The following ARHGAP28 variants were observed in gnomAD, a reference collection of about 807,000 sequenced individuals.
ARHGAP28 encodes the protein rho GTPase-activating protein 28.
ARHGAP28 carries 56 observed loss-of-function variants against 90.7 expected under a neutral mutation model. That is an observed-to-expected ratio of 0.62 (90% CI 0.50 to 0.77). The LOEUF (loss-of-function observed/expected upper bound fraction) is 0.77, where lower values mean the gene tolerates loss of function less well. Among genes scored for constraint, ARHGAP28 ranks in the 30% least tolerant of loss-of-function variants. The pLI is 0.00. For synonymous variants in ARHGAP28, 308 were observed against 323.3 expected, an observed-to-expected ratio of 0.95 and a Z score of 0.51; for missense variants, 869 against 900.9, an observed-to-expected ratio of 0.96 and a Z score of 0.45.
At chr18:6,741,136 A>G (rs2055973816) in intron 1 of ARHGAP28, among the ~76,000 whole-genome samples, 1 of 152,118 alleles carries the variant, frequency 6.6e-6, no homozygotes, top group Non-Finnish European at 1.5e-5. Flanking sequence ...TTGAAAACAT[A>G]TTTGCTGTGA....
chr18:6,832,298 A>C (rs535282703), intron 2 of ARHGAP28, among the ~76,000 whole-genome samples: 1 of 151,558 alleles, frequency 6.6e-6, no homozygotes, highest in African/African-American at 2.4e-5. Flanking sequence ...CAGTTTTGAA[A>C]TTTAGACTTA....
chr18:6,765,348 T>C (rs1465995178), intron 1 of ARHGAP28, among the ~76,000 whole-genome samples: 1 of 152,188 alleles, frequency 6.6e-6, no homozygotes, highest in East Asian at 1.9e-4. Flanking sequence ...TTTCTTCTTC[T>C]GTCAGTTCTA....
rs114233528 is a variant in ARHGAP28 at position 6,783,628 on chromosome 18, T to G, written c.123-41134T>G. On this transcript the variant is annotated intron_variant, in intron 1 of 17. Transcript: ENST00000383472. ...GGTATTTACTTTTAACCACAGGACA[T>G]AACACATTGCTGAATTAATCAGAAG... is the stretch of plus-strand genomic sequence containing the variant. Among the ~76,000 whole-genome samples, 787 of 152,242 alleles carry G rather than the reference T, an allele frequency of 5.2e-3. 5 individuals are homozygous for G. The highest frequency in any genetic ancestry group is 0.015 in the African/African-American group (628 of 41,530).
intron 16 of ARHGAP28, among the ~76,000 whole-genome samples, chr18:6,902,235 G>A (rs2143822518): frequency 6.6e-6 from 1 of 152,204 alleles, no homozygotes; most frequent in African/African-American, 2.4e-5. Context: ...TCTGAATAAA[G>A]TATGGACTTT....
intron 4 of ARHGAP28, among the ~76,000 whole-genome samples, chr18:6,857,476 C>T (rs1356251530): frequency 2.0e-5 from 3 of 152,164 alleles, no homozygotes; most frequent in African/African-American, 7.2e-5. Context: ...ATCTGTGATG[C>T]GCACAGTGAA....
chr18:6,737,135 T>A (rs1312315118), intron 1 of ARHGAP28, among the ~76,000 whole-genome samples: 1 of 152,214 alleles, frequency 6.6e-6, no homozygotes, highest in Non-Finnish European at 1.5e-5. Context: ...GTAAATGGAA[T>A]GTTTTTCAGA....
chr18:6,838,565 A>G (rs1384688630), intron 3 of ARHGAP28, among the ~76,000 whole-genome samples: 2 of 152,216 alleles, frequency 1.3e-5, no homozygotes, highest in East Asian at 1.9e-4. Flanking sequence ...TCTGTCCAGT[A>G]TGGTAGCTCC....
chr18:6,798,810 A>G (rs2143609986), intron 1 of ARHGAP28, among the ~76,000 whole-genome samples: 1 of 152,326 alleles, frequency 6.6e-6, no homozygotes, highest in Middle Eastern at 3.4e-3. Flanking sequence ...AACCATTCGT[A>G]CCACCAAAGT....
chr18:6,887,407 A>C (rs1197983996), intron 12 of ARHGAP28, among the ~76,000 whole-genome samples, 168 bp downstream of exon 12: 1 of 150,610 alleles, frequency 6.6e-6, no homozygotes, highest in Non-Finnish European at 1.5e-5. Context: ...GAAGACAAGA[A>C]AGAGTGGAGA....
intron 1 of ARHGAP28, chr18:6,791,537 A>T (rs923973357): frequency 6.6e-6 from 1 of 152,226 alleles, no homozygotes; most frequent in African/African-American, 2.4e-5. Flanking sequence ...GACATGACTA[A>T]AACTGACTGA....
In ARHGAP28 at chr18:6,783,449, G is replaced by A. The variant is rs572037863; in HGVS notation, c.123-41313G>A. ...CCCAAGTAGCTGGGATTACAGGCAT[G>A]TGCCACCAGGCCTGGCTAATTTTGT... On this transcript the variant is annotated intron_variant, in intron 1 of 17. Coordinates refer to ENST00000383472, the MANE Select transcript of ARHGAP28 (RefSeq NM_001366230.1). 1.5e-3 allele frequency among the ~76,000 whole-genome samples: 220 copies of A among 144,134 alleles called. 1 individual carries two copies. Among genetic ancestry groups the A allele is most frequent in the Middle Eastern group, 6.9e-3 (2 of 290 alleles). 94.6% of individuals were successfully genotyped at this position (144,134 alleles called of 152,430 possible).
intron 1 of ARHGAP28, among the ~76,000 whole-genome samples, chr18:6,774,985 A>G (rs1278340814): frequency 6.6e-6 from 1 of 152,154 alleles, no homozygotes; most frequent in African/African-American, 2.4e-5. Flanking sequence ...CTCAAAGCCA[A>G]GGACCTAATT....
At chr18:6,898,498 G>A (rs2057320288) in intron 16 of ARHGAP28, 2 of 1,614,060 alleles carry the variant, frequency 1.2e-6, no homozygotes, top group Admixed American at 1.7e-5. Flanking sequence ...AAAAAAGAAA[G>A]AGAAGAGTCG....
chr18:6,733,660 G>A (rs1448520102), intron 1 of ARHGAP28, among the ~76,000 whole-genome samples: 1 of 152,058 alleles, frequency 6.6e-6, no homozygotes. Context: ...TTGTTTCTTT[G>A]GAGCTAAAAG....
intron 12 of ARHGAP28, among the ~76,000 whole-genome samples, chr18:6,889,140 A>G (rs2057244882): frequency 6.6e-6 from 1 of 152,176 alleles, no homozygotes; most frequent in Non-Finnish European, 1.5e-5. Context: ...CATTGCAAAT[A>G]CTGTACAGTG....
intron 1 of ARHGAP28, among the ~76,000 whole-genome samples, chr18:6,757,050 A>T (rs2056116614): frequency 6.6e-6 from 1 of 152,180 alleles, no homozygotes; most frequent in Non-Finnish European, 1.5e-5. Flanking sequence ...TGCATCCTTC[A>T]ATCCTATCAA....
intron 1 of ARHGAP28, among the ~76,000 whole-genome samples, chr18:6,769,619 T>C (rs960729240): frequency 1.3e-5 from 2 of 152,214 alleles, no homozygotes; most frequent in African/African-American, 4.8e-5. Flanking sequence ...TTAAGAAATT[T>C]GCTCAAGATC....
intron 1 of ARHGAP28, among the ~76,000 whole-genome samples, chr18:6,818,076 T>A (rs78939120): frequency 0.13 from 19,256 of 152,238 alleles, 1,363 homozygotes; most frequent in Non-Finnish European, 0.15. Context: ...GTTGACTATG[T>A]GCCAGGCATT....
rs916037836 is a variant in ARHGAP28 at position 6,857,365 on chromosome 18, T to G, written c.637-2443T>G. ...TAACAGACTCCTGTATAAATATTTT[T>G]TTCAGTATCAACATAGATATAAACG... is the stretch of plus-strand genomic sequence containing the variant. On this transcript the variant is annotated intron_variant, in intron 4 of 17. Coordinates refer to ENST00000383472, the MANE Select transcript of ARHGAP28 (RefSeq NM_001366230.1). Among the ~76,000 whole-genome samples the G allele has an allele frequency of 5.3e-5, 8 of 152,356 alleles. 1 individual carries two copies. Among genetic ancestry groups the G allele is most frequent in the Admixed American group, 2.0e-4 (3 of 15,312 alleles).
Sources: gnomAD v4.1 joint callset for allele counts (sites outside exome capture counted in the v4.1 genomes callset) on GRCh38, gnomAD v4.1.1 for gene constraint, MANE v1.5 for transcripts, NCBI Gene and HGNC (gene_info 2026-07-23, HGNC 2026-07-21) for gene names.